LAMA2: variants seen among roughly 807,000 people sequenced by gnomAD.
LAMA2 encodes laminin subunit alpha 2.
Under a neutral mutation model 364.8 loss-of-function variants are expected in LAMA2, and 269 were observed. The observed-to-expected ratio is 0.74, with a 90% CI of 0.67 to 0.82. The LOEUF (loss-of-function observed/expected upper bound fraction) is 0.82, where lower values mean the gene tolerates loss of function less well. Among genes scored for constraint, LAMA2 ranks in the 40% least tolerant of loss-of-function variants. LAMA2 has a pLI of 0.00. For missense variants in LAMA2, 3,807 were observed against 3,873.2 expected (o/e 0.98, Z 0.45); for synonymous variants, 1,379 against 1,370.6 (o/e 1.01, Z -0.14).
chr6:129,193,968 T>C (rs1781689449), intron 12 of LAMA2, among the ~76,000 whole-genome samples: 1 of 152,168 alleles, frequency 6.6e-6, no homozygotes, highest in Non-Finnish European at 1.5e-5. Flanking sequence ...AATGTGTAAA[T>C]GTCTAAAAGA....
rs148447904 is a variant in LAMA2 at position 129,191,705 on chromosome 6, C to T, written c.1609-975C>T. 7.9e-3 allele frequency among the ~76,000 whole-genome samples: 1,201 copies of T among 152,320 alleles called. 18 individuals carry two copies. The highest frequency in any genetic ancestry group is 0.028 in the African/African-American group (1,148 of 41,576). On this transcript the variant is annotated intron_variant, in intron 11 of 64. Transcript: ENST00000421865. ...TTTAACTAAGGGAATTGCAGTGATT[C>T]CACAGCTTTGGGATAAGCAGAGTCA...
At chr6:129,374,721 G>A (rs1015207590) in intron 34 of LAMA2, among the ~76,000 whole-genome samples, 4 of 151,574 alleles carry the variant, frequency 2.6e-5, no homozygotes, top group Non-Finnish European at 5.9e-5. Context: ...GGGATTGCAG[G>A]CACCTGCTAC....
At chr6:129,116,750 C>A (rs1263020411) in intron 4 of LAMA2, among the ~76,000 whole-genome samples, 1 of 151,656 alleles carries the variant, frequency 6.6e-6, no homozygotes, top group Non-Finnish European at 1.5e-5. Context: ...TTCTTATAAC[C>A]ACTTTAAAGA....
rs376197057 is a variant in LAMA2, at chr6:129,315,288, A to G, written c.3556-188A>G. On this transcript the variant is annotated intron_variant, in intron 24 of 64. Coordinates refer to ENST00000421865, the MANE Select transcript of LAMA2 (RefSeq NM_000426.4). ...AGTGTCCACAGATATTGTGGCTTTC[A>G]CTATGTGAATTAGTCAAAAAGATTT... Among the ~76,000 whole-genome samples the G allele has an allele frequency of 1.1e-4, 16 of 152,328 alleles. 1 individual carries two copies. In the East Asian group the frequency reaches 2.5e-3, roughly 24 times the overall value.
chr6:129,423,843 AC>A (rs1316229059), intron 40 of LAMA2, among the ~76,000 whole-genome samples: 1 of 152,072 alleles, frequency 6.6e-6, no homozygotes, highest in Non-Finnish European at 1.5e-5. Context: ...ATACATATTG[AC>A]CTACACATTC....
chr6:128,956,273 T>G (rs1335544753), intron 1 of LAMA2, among the ~76,000 whole-genome samples: 1 of 152,026 alleles, frequency 6.6e-6, no homozygotes, highest in Non-Finnish European at 1.5e-5. Context: ...CTGACTCTTC[T>G]GTGAAATTTC....
intron 24 of LAMA2, 56 bp from the exon 25 acceptor site, chr6:129,315,420 T>G: frequency 1.3e-6 from 2 of 1,511,352 alleles, no homozygotes; most frequent in Non-Finnish European, 1.8e-6. Flanking sequence ...AACTTAGTTT[T>G]AAAGAAATGT....
intron 1 of LAMA2, among the ~76,000 whole-genome samples, chr6:128,920,763 T>TTTTG (rs1778657084): frequency 6.6e-6 from 1 of 151,620 alleles, no homozygotes. Context: ...GTTGAACAAA[T>TTTTG]TCATGAGACA....
At chr6:129,089,691 G>C (rs1308926687) in intron 3 of LAMA2, among the ~76,000 whole-genome samples, 2 of 152,196 alleles carry the variant, frequency 1.3e-5, no homozygotes, top group African/African-American at 2.4e-5. Context: ...AGATGTCAAG[G>C]GTAGTGCTAA....
chr6:129,156,616 A>G (rs543996496), intron 8 of LAMA2, among the ~76,000 whole-genome samples: 167 of 152,218 alleles, frequency 1.1e-3, no homozygotes, highest in African/African-American at 3.9e-3. Flanking sequence ...TATCAAATGC[A>G]GGAATTCACT....
At chr6:128,926,309 A>G (rs1779094954) in intron 1 of LAMA2, among the ~76,000 whole-genome samples, 1 of 152,094 alleles carries the variant, frequency 6.6e-6, no homozygotes, top group South Asian at 2.1e-4. Context: ...GAGTATGAAT[A>G]CCAACTCCTC....
At chr6:129,346,912 A>C (rs1445004597) in intron 30 of LAMA2, among the ~76,000 whole-genome samples, 1 of 152,102 alleles carries the variant, frequency 6.6e-6, no homozygotes, top group Non-Finnish European at 1.5e-5. Context: ...CAGAAATGTG[A>C]ATGGTGTGAG....
intron 35 of LAMA2, among the ~76,000 whole-genome samples, chr6:129,388,123 T>C (rs1293307515): frequency 6.6e-6 from 1 of 151,740 alleles, no homozygotes; most frequent in African/African-American, 2.4e-5. Flanking sequence ...CTGGGCACGG[T>C]GGCATGCGCT....
chr6:129,151,371 T>C (rs1450590702), intron 7 of LAMA2, among the ~76,000 whole-genome samples: 2 of 152,200 alleles, frequency 1.3e-5, no homozygotes, highest in African/African-American at 4.8e-5. Context: ...TTTTTTGAAA[T>C]ACACTATTAC....
chr6:129,507,460 C>T (rs1786184537), intron 61 of LAMA2, 29 bp from the exon 62 acceptor site: 5 of 1,613,162 alleles, frequency 3.1e-6, no homozygotes, highest in Non-Finnish European at 4.2e-6. Flanking sequence ...TAAAACCTGA[C>T]ATTTGTTTCT....
chr6:129,108,703 T>G (rs1243651997), intron 4 of LAMA2, among the ~76,000 whole-genome samples: 1 of 152,158 alleles, frequency 6.6e-6, no homozygotes, highest in African/African-American at 2.4e-5. Flanking sequence ...CAACATTTCT[T>G]CCCAAGACAA....
chr6:129,136,265 G>T (rs898916724), intron 4 of LAMA2, among the ~76,000 whole-genome samples: 1 of 152,040 alleles, frequency 6.6e-6, no homozygotes, highest in Non-Finnish European at 1.5e-5. Context: ...TGCTTTGTTG[G>T]TTGCTTTGAG....
chr6:129,284,907 C>A (rs1290474404), intron 18 of LAMA2, among the ~76,000 whole-genome samples: 1 of 152,042 alleles, frequency 6.6e-6, no homozygotes, highest in Non-Finnish European at 1.5e-5. Flanking sequence ...AAAAAGTTAA[C>A]AGATGTGGAA....
intron 1 of LAMA2, among the ~76,000 whole-genome samples, chr6:129,040,750 A>T (rs1455200143): frequency 1.3e-5 from 2 of 152,240 alleles, no homozygotes; most frequent in African/African-American, 2.4e-5. Flanking sequence ...GATTTTATGA[A>T]TCCATTGAGG....
Sources: gnomAD v4.1 joint callset for allele counts (sites outside exome capture counted in the v4.1 genomes callset) on GRCh38, gnomAD v4.1.1 for gene constraint, MANE v1.5 for transcripts, NCBI Gene and HGNC (gene_info 2026-07-23, HGNC 2026-07-21) for gene names.